LRR1: variants seen among roughly 807,000 people sequenced by gnomAD.
The protein encoded by LRR1 is leucine rich repeat protein 1, also known as leucine-rich repeat protein 1.
In LRR1, 29 loss-of-function variants were observed where a neutral mutation model predicts 31.6. The observed-to-expected ratio is 0.92, with a 90% CI of 0.68 to 1.25. LRR1 has a LOEUF of 1.25. Ranked by LOEUF, LRR1 falls within the 50% of genes most tolerant of loss-of-function variation. LRR1 has a pLI of 0.00. For missense variants in LRR1, 485 were observed against 487.2 expected, an observed-to-expected ratio of 1.00 and a Z score of 0.04; for synonymous variants, 179 against 181.4, an observed-to-expected ratio of 0.99 and a Z score of 0.10.
chr14:49,606,366 T>G (rs745854320), intron 2 of LRR1, among the ~76,000 whole-genome samples: 6 of 147,164 alleles, frequency 4.1e-5, no homozygotes, highest in Non-Finnish European at 9.0e-5. Context: ...GAGACCGAGT[T>G]TCACTTGTGT....
At chr14:49,602,293 G>T in intron 1 of LRR1, 77 bp from the exon 2 acceptor site, 1 of 1,269,188 alleles carries the variant, frequency 7.9e-7, no homozygotes, top group Non-Finnish European at 1.1e-6. Context: ...AAAGTAACTG[G>T]CACATTCTAG....
chr14:49,606,652 T>A (rs1243435825), intron 2 of LRR1, among the ~76,000 whole-genome samples: 1 of 86,002 alleles, frequency 1.2e-5, no homozygotes, highest in African/African-American at 5.5e-5. Flanking sequence ...AACTCAAATT[T>A]TTTTTTTTTT....
rs756349532 is a variant in LRR1, at chr14:49,599,099, C to T, written c.79C>T (p.Arg27Ter). Residue 27 changes from arginine (R) to a stop codon, truncating the protein, a stop_gained, in exon 1 of 4, where the codon CGA becomes TGA. Coordinates refer to ENST00000298288, the MANE Select transcript of LRR1 (RefSeq NM_152329.4). LOFTEE classifies it high-confidence loss of function. ...GCTTAGGAACCGGGGCAAGGGCGTCCGAGCCGTGTTGAGCCTCTGTCAGCA... is the reference window on the plus strand; with the variant it reads ...GCTTAGGAACCGGGGCAAGGGCGTCTGAGCCGTGTTGAGCCTCTGTCAGCA... ...LGLRNRGKGV[R>*]AVLSLCQQTS... The T allele has an allele frequency of 6.2e-7, 1 of 1,607,472 alleles. No homozygotes were observed. Among genetic ancestry groups the T allele is most frequent in the South Asian group, 1.1e-5 (1 of 89,784 alleles).
intron 1 of LRR1, chr14:49,601,153 A>G: frequency 1.2e-6 from 2 of 1,600,822 alleles, no homozygotes; most frequent in South Asian, 2.2e-5. Flanking sequence ...TCAAAAAAGA[A>G]CAAATGTTTT....
At chr14:49,606,996 T>C (rs1343112547) in intron 2 of LRR1, among the ~76,000 whole-genome samples, 1 of 152,008 alleles carries the variant, frequency 6.6e-6, no homozygotes, top group East Asian at 1.9e-4. Flanking sequence ...TCATTTCCTA[T>C]CTTATTTTAT....
chr14:49,599,960 G>C, intron 1 of LRR1: 1 of 1,542,164 alleles, frequency 6.5e-7, no homozygotes, highest in Non-Finnish European at 8.8e-7. Flanking sequence ...GGCTCCGGGG[G>C]GACCATGCCC....
chr14:49,603,514 C>CTTT, intron 2 of LRR1: 1 of 138,562 alleles, frequency 7.2e-6, no homozygotes, highest in Non-Finnish European at 1.2e-5. Flanking sequence ...ATCATTCTTT[C>CTTT]TTCTTCTTCT....
chr14:49,604,929 A>G (rs1882225975), intron 2 of LRR1, among the ~76,000 whole-genome samples: 2 of 150,694 alleles, frequency 1.3e-5, no homozygotes, highest in Admixed American at 1.3e-4. Flanking sequence ...ACAAGGTCTC[A>G]CTCTCACCTA....
intron 3 of LRR1, among the ~76,000 whole-genome samples, chr14:49,613,327 A>C (rs1882582415): frequency 6.8e-6 from 1 of 147,802 alleles, no homozygotes; most frequent in Non-Finnish European, 1.5e-5. Context: ...AGACAGAGCG[A>C]GACTCCATCT....
chr14:49,611,603 C>A (rs1351625557), intron 3 of LRR1, among the ~76,000 whole-genome samples: 1 of 151,888 alleles, frequency 6.6e-6, no homozygotes, highest in Non-Finnish European at 1.5e-5. Context: ...GCTATTGTTT[C>A]TCTAAGACAT....
chr14:49,603,681 CTTTTTTTTTTTTTTT>C (rs1192131820), intron 2 of LRR1: 1 of 674,892 alleles, frequency 1.5e-6, no homozygotes, highest in South Asian at 7.9e-5. Flanking sequence ...GTAATCATTC[CTTTTTTTTTTTTTTT>C]TTTTTTTTTT....
rs1045888164 is a variant in LRR1, at chr14:49,603,682, T to C, written c.282+1214T>C. On this transcript the variant is annotated intron_variant, in intron 2 of 3. Coordinates refer to ENST00000298288, the MANE Select transcript of LRR1 (RefSeq NM_152329.4). ...GCCTGGCCCTTACTGTAATCATTCCTTTTTTTTTTTTTTTTTTTTTTTTTT... is the reference window on the plus strand; with the variant it reads ...GCCTGGCCCTTACTGTAATCATTCCCTTTTTTTTTTTTTTTTTTTTTTTTT... 3.3e-5 allele frequency: 14 copies of C among 420,458 alleles called. 1 individual carries two copies. The highest frequency in any genetic ancestry group is 2.9e-4 in the East Asian group (1 of 3,436). 26.0% of individuals were successfully genotyped at this position (420,458 alleles called of 1,614,324 possible).
intron 1 of LRR1, chr14:49,600,111 C>T (rs1023649929): frequency 7.6e-6 from 12 of 1,584,596 alleles, no homozygotes; most frequent in Non-Finnish European, 1.0e-5. Flanking sequence ...GGAGTACGTG[C>T]CCACCGTCTT....
At chr14:49,608,264 C>G in intron 3 of LRR1, 143 bp downstream of exon 3, 1 of 873,970 alleles carries the variant, frequency 1.1e-6, no homozygotes, top group Non-Finnish European at 1.6e-6. Context: ...TGTTCCTTAC[C>G]TCTGCTTAGA....
rs943438743 is a variant in LRR1 at position 49,606,531 on chromosome 14, G to T, written c.283-869G>T. Among the ~76,000 whole-genome samples, 6 of 151,832 alleles carry T rather than the reference G, an allele frequency of 4.0e-5. No individual in the cohort carries two copies. The East Asian group carries it at 9.6e-4, about 24-fold the overall frequency. On this transcript the variant is annotated intron_variant, in intron 2 of 3. Transcript: ENST00000298288. ...TTTTTGTATTATTAGTAGAGAAGGG[G>T]TTTCACCATGTTGGCCAGGCTGGTC...
At position 49,599,167 on chromosome 14, in the gene LRR1, C is replaced by A; in HGVS notation, c.147C>A (p.Ile49=). 6.2e-7 allele frequency: 1 copy of A among 1,609,072 alleles called. No homozygotes were observed. Among genetic ancestry groups the A allele is most frequent in the Non-Finnish European group, 8.5e-7 (1 of 1,178,026 alleles). The change falls in exon 1 of 4, where the codon ATC becomes ATA. Residue 49 remains isoleucine, a synonymous_variant. Coordinates refer to ENST00000298288, the MANE Select transcript of LRR1 (RefSeq NM_152329.4). ...CGCCGGTCCGAGCCTTCCTGCTCATCTCCACCCTGAAGGACAAGCGCGGGA... is the reference window on the plus strand; with the variant it reads ...CGCCGGTCCGAGCCTTCCTGCTCATATCCACCCTGAAGGACAAGCGCGGGA... The part of the protein sequence containing the change: ...SQPPVRAFLL[I]STLKDKRGTR...
rs150844161 is a variant in LRR1 at position 49,609,290 on chromosome 14, A to G, written c.1004+1169A>G. ...GCCCAGGCTCGAGTGCAGTGGTCCA[A>G]TCTCAGCTCACTGCAACTTCTGCCT... On this transcript the variant is annotated intron_variant, in intron 3 of 3. Transcript: ENST00000298288. Among the ~76,000 whole-genome samples the G allele has an allele frequency of 3.9e-3, 536 of 137,680 alleles. 6 individuals carry two copies. The highest frequency in any genetic ancestry group is 5.9e-3 in the South Asian group (26 of 4,440). 90.3% of individuals were successfully genotyped at this position (137,680 alleles called of 152,430 possible). A position where few individuals can be genotyped will look rare whatever the true frequency, so the allele number is the denominator to read the frequency against.
At chr14:49,612,800 T>C (rs1882560729) in intron 3 of LRR1, among the ~76,000 whole-genome samples, 1 of 151,964 alleles carries the variant, frequency 6.6e-6, no homozygotes, top group Non-Finnish European at 1.5e-5. Flanking sequence ...CAAGACACCG[T>C]GTGGGAGGCA....
chr14:49,599,945 G>T (rs1330685300), intron 1 of LRR1: 26 of 1,473,428 alleles, frequency 1.8e-5, no homozygotes, highest in South Asian at 2.6e-5. Flanking sequence ...CGGGGCCGGG[G>T]CGGGGGCTCC....
Sources: gnomAD v4.1 joint callset for allele counts (sites outside exome capture counted in the v4.1 genomes callset) on GRCh38, gnomAD v4.1.1 for gene constraint, MANE v1.5 for transcripts, NCBI Gene and HGNC (gene_info 2026-07-23, HGNC 2026-07-21) for gene names.